ESYT2: variants seen among roughly 807,000 people sequenced by gnomAD.
The protein encoded by ESYT2 is extended synaptotagmin 2.
In ESYT2, 54 loss-of-function variants were observed where a neutral mutation model predicts 107.2. That is an observed-to-expected ratio of 0.50 (90% CI 0.40 to 0.63). The LOEUF (loss-of-function observed/expected upper bound fraction) is 0.63, where lower values mean the gene tolerates loss of function less well. Among genes scored for constraint, ESYT2 ranks in the 30% least tolerant of loss-of-function variants. The pLI, the probability that ESYT2 is intolerant of heterozygous loss-of-function variation, is 0.00. For synonymous variants in ESYT2, 491 were observed against 434.1 expected (o/e 1.13, Z -1.63); for missense variants, 1,020 against 1,094.5 (o/e 0.93, Z 0.96).
chr7:158,775,977 T>C (rs1258854612), intron 6 of ESYT2, among the ~76,000 whole-genome samples: 6 of 152,190 alleles, frequency 3.9e-5, no homozygotes, highest in Non-Finnish European at 7.4e-5. Flanking sequence ...GGATGAGGTG[T>C]CAGCAGGCAA....
chr7:158,825,248 A>T (rs1840405893), intron 1 of ESYT2, among the ~76,000 whole-genome samples: 1 of 152,204 alleles, frequency 6.6e-6, no homozygotes, highest in Non-Finnish European at 1.5e-5. Context: ...AGCCGAGACC[A>T]TGCCACTGCC....
chr7:158,734,766 C>A (rs1836861385), intron 21 of ESYT2, among the ~76,000 whole-genome samples: 1 of 152,066 alleles, frequency 6.6e-6, no homozygotes, highest in Admixed American at 6.5e-5. Flanking sequence ...TCAGCCTGTG[C>A]TTCTACAGAC....
intron 1 of ESYT2, among the ~76,000 whole-genome samples, chr7:158,808,776 G>A (rs752895157): frequency 6.7e-6 from 1 of 150,064 alleles, no homozygotes; most frequent in Non-Finnish European, 1.5e-5. Flanking sequence ...TCAAGACCAG[G>A]CTGGCCAACA....
intron 6 of ESYT2, among the ~76,000 whole-genome samples, chr7:158,778,862 A>C (rs1584833604): frequency 6.7e-6 from 1 of 148,922 alleles, no homozygotes; most frequent in South Asian, 2.1e-4. Context: ...TTTTTTTTTT[A>C]ACATGCTCCC....
chr7:158,757,068 C>T (rs1587396502), intron 13 of ESYT2, among the ~76,000 whole-genome samples: 1 of 151,560 alleles, frequency 6.6e-6, no homozygotes, highest in South Asian at 2.1e-4. Context: ...AGGTTTTTTT[C>T]AACGAGCCAG....
Position 158,782,232 on chromosome 7 carries a change from TAAC to T in ESYT2, c.747+5769_747+5771del, listed in dbSNP as rs938106054. ...GAACGTGTGAGAACAGATGTGAGTG[TAAC>T]AACGAGTGAGAATGAGTGAACAAGT... is the stretch of plus-strand genomic sequence containing the variant. On this transcript the variant is annotated intron_variant, in intron 6 of 22. Coordinates refer to ENST00000275418, the MANE Select transcript of ESYT2 (RefSeq NM_001367773.1). Among the ~76,000 whole-genome samples the T allele has an allele frequency of 1.3e-3, 99 of 76,852 alleles. 1 individual carries two copies. The highest frequency in any genetic ancestry group is 3.0e-3 in the African/African-American group (93 of 30,866). 50.4% of individuals were successfully genotyped at this position (76,852 alleles called of 152,430 possible). A position where few individuals can be genotyped will look rare whatever the true frequency, so the allele number is the denominator to read the frequency against.
chr7:158,829,415 T>C lies in ESYT2; in HGVS notation c.4A>G (p.Ser2Gly). 8.4e-7 allele frequency: 1 copy of C among 1,195,146 alleles called. No individual in the cohort carries two copies. Among genetic ancestry groups the C allele is most frequent in the Non-Finnish European group, 1.0e-6 (1 of 970,018 alleles). The allele number at this position is 1,195,146 out of a possible 1,614,324, so 74.0% of individuals were successfully genotyped here. A position where few individuals can be genotyped will look rare whatever the true frequency, so the allele number is the denominator to read the frequency against. ...TCCGGGCCCTCGCCCCGGGCGCCGC[T>C]CATCGCCCCGCAGTGCCGCGCTGCC... MSGARGEGPEAG... is the reference protein window; with the variant it reads MGGARGEGPEAG... The change falls in exon 1 of 23, where the codon AGC (serine) becomes GGC (glycine). Residue 2 changes from serine to glycine, a missense_variant. Coordinates refer to ENST00000275418, the MANE Select transcript of ESYT2 (RefSeq NM_001367773.1).
At chr7:158,741,917 A>G (rs1837223383) in intron 17 of ESYT2, 21 bp from the exon 18 acceptor site, 1 of 1,550,624 alleles carries the variant, frequency 6.4e-7, no homozygotes, top group African/African-American at 1.4e-5. Flanking sequence ...ACATAAACAT[A>G]AAAATTAAAC....
At chr7:158,739,485 T>C (rs536646083) in intron 18 of ESYT2, among the ~76,000 whole-genome samples, 8 of 152,262 alleles carry the variant, frequency 5.3e-5, no homozygotes, top group African/African-American at 1.9e-4. Flanking sequence ...TAGCTGGGAT[T>C]ACAGGCGCCC....
At chr7:158,741,477 G>A in intron 18 of ESYT2, 46 bp downstream of exon 18, 1 of 1,514,162 alleles carries the variant, frequency 6.6e-7, no homozygotes, top group African/African-American at 1.4e-5. Context: ...TGGGGTGGGG[G>A]GCGCTTGCTC....
intron 8 of ESYT2, 78 bp downstream of exon 8, chr7:158,767,576 A>G: frequency 6.5e-7 from 1 of 1,545,906 alleles, no homozygotes; most frequent in Non-Finnish European, 8.8e-7. Context: ...AAAGAGTCAC[A>G]GCACCCAATG....
intron 20 of ESYT2, among the ~76,000 whole-genome samples, chr7:158,736,060 A>C (rs564561275): frequency 4.6e-5 from 7 of 152,314 alleles, no homozygotes; most frequent in South Asian, 4.1e-4. Flanking sequence ...AGGAGGGAGA[A>C]GGCCTCCAAA....
At chr7:158,735,906 A>G (rs1587362844) in intron 20 of ESYT2, among the ~76,000 whole-genome samples, 1 of 152,090 alleles carries the variant, frequency 6.6e-6, no homozygotes, top group East Asian at 1.9e-4. Flanking sequence ...TGACTCTTCC[A>G]GGGGATTAAA....
chr7:158,745,850 T>C (rs2129471513), intron 16 of ESYT2, among the ~76,000 whole-genome samples: 1 of 152,290 alleles, frequency 6.6e-6, no homozygotes, highest in Non-Finnish European at 1.5e-5. Context: ...CTACAGAATT[T>C]AAAGTGAAAT....
rs368886014 is a variant in ESYT2 at position 158,829,115 on chromosome 7, C to G, written c.304G>C (p.Val102Leu). The G allele has an allele frequency of 1.9e-6, 3 of 1,578,858 alleles. No individual in the cohort carries two copies. The highest frequency in any genetic ancestry group is 1.4e-5 in the African/African-American group (1 of 72,914). Reference protein sequence around the residue: ...EDEERVVRLGVRACDLPAWVH... With the variant: ...EDEERVVRLGLRACDLPAWVH... ...CAGGCGGGCAGGTCGCAGGCGCGCA[C>G]CCCCAGGCGCACGACGCGCTCCTCG... The change falls in exon 1 of 23, where the codon GTG becomes CTG. Residue 102 changes from valine to leucine, a missense_variant. Val to Leu is a conservative substitution (Grantham distance 32). Coordinates refer to ENST00000275418, the MANE Select transcript of ESYT2 (RefSeq NM_001367773.1).
intron 6 of ESYT2, among the ~76,000 whole-genome samples, chr7:158,783,018 G>A (rs1431384878): frequency 2.0e-5 from 3 of 152,148 alleles, no homozygotes; most frequent in Non-Finnish European, 4.4e-5. Context: ...TAAAATCAGC[G>A]TGCCCCTCCT....
chr7:158,788,523 C>G, intron 4 of ESYT2, 106 bp from the exon 5 acceptor site: 5 of 974,650 alleles, frequency 5.1e-6, no homozygotes, highest in Non-Finnish European at 7.5e-6. Flanking sequence ...GTAAAGCAAC[C>G]AAATCAGATT....
intron 11 of ESYT2, 29 bp from the exon 12 acceptor site, chr7:158,760,176 A>C: frequency 6.3e-7 from 1 of 1,599,548 alleles, no homozygotes; most frequent in Non-Finnish European, 8.6e-7. Flanking sequence ...TACGTTCAGC[A>C]AAAGTTCTTC....
chr7:158,751,455 T>C (rs967262917), intron 14 of ESYT2, among the ~76,000 whole-genome samples: 1 of 152,198 alleles, frequency 6.6e-6, no homozygotes, highest in Non-Finnish European at 1.5e-5. Context: ...AATAAAAATA[T>C]AAGCGTTAAG....
Sources: allele counts gnomAD v4.1 joint callset (sites outside exome capture counted in the v4.1 genomes callset), GRCh38; gene constraint gnomAD v4.1.1; transcripts MANE v1.5; gene names NCBI Gene and HGNC (gene_info 2026-07-23, HGNC 2026-07-21).